The following MYO18A variants were observed in gnomAD, a reference collection of about 807,000 sequenced individuals.
MYO18A encodes the protein unconventional myosin-XVIIIa.
MYO18A carries 78 observed loss-of-function variants against 235.8 expected under a neutral mutation model. The ratio of observed to expected loss-of-function variants is 0.33; its 90% CI spans 0.28 to 0.40. The LOEUF is 0.40. MYO18A is among the 10% of genes least tolerant of loss of function. The pLI, the probability that MYO18A is intolerant of heterozygous loss-of-function variation, is 1.00. For synonymous variants in MYO18A, 977 were observed against 1,077.8 expected (o/e 0.91, Z 1.83); for missense variants, 2,215 against 2,699.3 (o/e 0.82, Z 3.98).
Position 29,118,879 on chromosome 17 carries a change from G to A in MYO18A, c.1830-439C>T, listed in dbSNP as rs2067135098. 6.6e-6 allele frequency among the ~76,000 whole-genome samples: 1 copy of A among 152,120 alleles called. No individual in the cohort carries two copies. Among genetic ancestry groups the A allele is most frequent in the South Asian group, 2.1e-4 (1 of 4,828 alleles). On this transcript the variant is annotated intron_variant, in intron 8 of 41. Transcript: ENST00000527372. The surrounding 1 kb of genome is among the most constrained non-coding windows in gnomAD (Gnocchi z 4.2). Reference sequence around the variant, plus strand: ...AGAGCGTGGCAGAGGCAGCCAACGTGGGGCAGGAAGGGCTAGTCTGGAGGG... The same window carrying A: ...AGAGCGTGGCAGAGGCAGCCAACGTAGGGCAGGAAGGGCTAGTCTGGAGGG...
Position 29,166,287 on chromosome 17 carries a change from G to A in MYO18A, c.654C>T (p.Leu218=). 5.0e-6 allele frequency: 8 copies of A among 1,612,830 alleles called. No individual in the cohort carries two copies. The highest frequency in any genetic ancestry group is 6.8e-6 in the Non-Finnish European group (8 of 1,179,878). Residue 218 remains leucine (L), a synonymous_variant, in exon 2 of 42, where the codon CTC becomes CTT. Coordinates refer to ENST00000527372, the MANE Select transcript of MYO18A (RefSeq NM_078471.4). Reference sequence around the variant, plus strand: ...GCCGTCGTTGCAGCTCCAGCTCCCGGAGGGTAGGTGGGGGCAGGGGCACCA... The same window carrying A: ...GCCGTCGTTGCAGCTCCAGCTCCCGAAGGGTAGGTGGGGGCAGGGGCACCA... ...PPVVPLPPPT[L]RELELQRRPT...
chr17:29,097,452 G>T, intron 26 of MYO18A, 102 bp from the exon 27 acceptor site: 1 of 1,485,870 alleles, frequency 6.7e-7, no homozygotes, highest in Non-Finnish European at 9.1e-7. Flanking sequence ...GGTGGAGTCA[G>T]CCAGGGCTCA....
Position 29,129,481 on chromosome 17 carries a change from C to G in MYO18A, c.1000-7228G>C, listed in dbSNP as rs570899002. Among the ~76,000 whole-genome samples the G allele has an allele frequency of 2.7e-4, 41 of 152,338 alleles. 1 individual carries two copies. The East Asian group carries it at 5.6e-3, about 21-fold the overall frequency. On this transcript the variant is annotated intron_variant, in intron 2 of 41. Coordinates refer to ENST00000527372, the MANE Select transcript of MYO18A (RefSeq NM_078471.4). ...GTCCCAAGGGACTGCCACTGGAAGGCCAGGCTGGCTAACGGCAGGATAGAG... is the reference window on the plus strand; with the variant it reads ...GTCCCAAGGGACTGCCACTGGAAGGGCAGGCTGGCTAACGGCAGGATAGAG...
At chr17:29,135,136 T>G (rs2067566425) in intron 2 of MYO18A, among the ~76,000 whole-genome samples, 1 of 152,000 alleles carries the variant, frequency 6.6e-6, no homozygotes, top group Admixed American at 6.5e-5. Flanking sequence ...CATCTCACTC[T>G]ATCACCCAGG....
chr17:29,153,875 AC>A (rs2068007074), intron 2 of MYO18A, among the ~76,000 whole-genome samples: 2 of 152,184 alleles, frequency 1.3e-5, no homozygotes, highest in Admixed American at 6.5e-5. Flanking sequence ...CTTTCAGAGC[AC>A]AGAAGAGAGA....
At chr17:29,170,899 C>T (rs549471099) in intron 1 of MYO18A, among the ~76,000 whole-genome samples, 2 of 152,138 alleles carry the variant, frequency 1.3e-5, no homozygotes, top group Non-Finnish European at 2.9e-5. Context: ...AAAGAAACAA[C>T]TAAAGATACA....
chr17:29,117,904 G>T lies in MYO18A; in HGVS notation c.2038+141C>A. The T allele has an allele frequency of 4.9e-6, 5 of 1,010,530 alleles. No homozygotes were observed. The allele number at this position is 1,010,530 out of a possible 1,614,324, so 62.6% of individuals were successfully genotyped here. A position where few individuals can be genotyped will look rare whatever the true frequency, so the allele number is the denominator to read the frequency against. ...CCGGGCCTTCTGCTCTGAAGTGGGGGGCTGAGAAGAGGCACAAGCAAAAGA... is the reference window on the plus strand; with the variant it reads ...CCGGGCCTTCTGCTCTGAAGTGGGGTGCTGAGAAGAGGCACAAGCAAAAGA... On this transcript the variant is annotated intron_variant, in intron 10 of 41. Coordinates refer to ENST00000527372, the MANE Select transcript of MYO18A (RefSeq NM_078471.4). The surrounding 1 kb of genome is among the most constrained non-coding windows in gnomAD (Gnocchi z 4.6).
rs1020478282 is a variant in MYO18A, at chr17:29,080,938, T to C, written c.6020+1378A>G. The stretch of plus-strand genomic sequence containing the variant: ...GTCCTTTAGGGTGAGCCGCTTCCGA[T>C]AGCTCAGGGAGCTCACCACCGAGGA... On this transcript the variant is annotated intron_variant, in intron 41 of 41. Transcript: ENST00000527372. 4 of 985,282 alleles carry C rather than the reference T, an allele frequency of 4.1e-6. No individual in the cohort carries two copies. In the African/African-American group the frequency reaches 5.2e-5, roughly 13 times the overall value. The allele number at this position is 985,282 out of a possible 1,614,324, so 61.0% of individuals were successfully genotyped here.
intron 33 of MYO18A, 52 bp downstream of exon 33, chr17:29,092,802 TG>T: frequency 6.3e-7 from 1 of 1,594,054 alleles, no homozygotes. Context: ...AGAAAGAGAA[TG>T]GAAAGGTAAG....
chr17:29,132,456 C>T (rs1419679709), intron 2 of MYO18A, among the ~76,000 whole-genome samples: 2 of 152,226 alleles, frequency 1.3e-5, no homozygotes, highest in Admixed American at 6.5e-5. Context: ...AAAGACAGCC[C>T]TGTTACCAAC....
At chr17:29,082,472 C>G in intron 40 of MYO18A, 34 bp from the exon 41 acceptor site, 1 of 1,603,678 alleles carries the variant, frequency 6.2e-7, no homozygotes, top group Non-Finnish European at 8.5e-7. Context: ...GTAGACAAGG[C>G]ATAGGCACCT....
Position 29,092,344 on chromosome 17 carries a change from G to A in MYO18A, c.5186C>T (p.Ala1729Val), listed in dbSNP as rs900570615. The A allele has an allele frequency of 3.7e-6, 6 of 1,608,014 alleles. No individual in the cohort carries two copies. The highest frequency in any genetic ancestry group is 3.3e-5 in the Admixed American group (2 of 59,900). The change falls in exon 34 of 42, where the codon GCG becomes GTG. Residue 1729 changes from alanine to valine, a missense_variant and splice_region_variant. Physicochemically the swap from Ala to Val is moderately conservative, Grantham distance 64. Coordinates refer to ENST00000527372, the MANE Select transcript of MYO18A (RefSeq NM_078471.4). ...QIDDIAKAKT[A>V]LEEQLSRLQR... is the part of the protein sequence containing the mutation. ...GCCCCGGGCACCTTGGCCCCTCACCGCTGTCTTGGCTTTGGCGATGTCATC... is the reference window on the plus strand; with the variant it reads ...GCCCCGGGCACCTTGGCCCCTCACCACTGTCTTGGCTTTGGCGATGTCATC...
At chr17:29,137,524 T>A (rs1386536884) in intron 2 of MYO18A, among the ~76,000 whole-genome samples, 4 of 152,142 alleles carry the variant, frequency 2.6e-5, no homozygotes, top group Non-Finnish European at 5.9e-5. Context: ...AGCCACAAAA[T>A]GCATCATCCT....
rs1167874438 is a variant in MYO18A, at chr17:29,074,903, T to A, written c.6032A>T (p.Tyr2011Phe). 6.2e-7 allele frequency: 1 copy of A among 1,613,868 alleles called. No homozygotes were observed. The highest frequency in any genetic ancestry group is 2.2e-5 in the East Asian group (1 of 44,870). The change falls in exon 42 of 42, where the codon TAC becomes TTC. Residue 2011 changes from tyrosine (Y) to phenylalanine (F), a missense_variant. By Grantham distance (22) the Tyr-to-Phe change is conservative. Coordinates refer to ENST00000527372, the MANE Select transcript of MYO18A (RefSeq NM_078471.4). The surrounding 1 kb of genome is among the most constrained non-coding windows in gnomAD (Gnocchi z 4.4). ...GSLKSSSPTS[Y>F]WKSLAPDRSD... ...CCGATCAGGGGCAAGGGACTTCCAG[T>A]AGCTGGTGGGGCTGCAGGGACCGAG...
chr17:29,170,723 CA>C (rs759793907), intron 1 of MYO18A, among the ~76,000 whole-genome samples: 193 of 152,274 alleles, frequency 1.3e-3, no homozygotes, highest in Non-Finnish European at 2.1e-3. Flanking sequence ...TTACTATCCC[CA>C]AAAACAAAAA....
rs913250612 is a variant in MYO18A at position 29,090,047 on chromosome 17, T to C, written c.5440A>G (p.Lys1814Glu). 43 of 1,613,780 alleles carry C rather than the reference T, an allele frequency of 2.7e-5. No homozygotes were observed. Among genetic ancestry groups the C allele is most frequent in the Non-Finnish European group, 3.6e-5 (42 of 1,179,838 alleles). Residue 1814 changes from lysine (K) to glutamate (E), a missense_variant, in exon 37 of 42, where the codon AAG becomes GAG. Transcript: ENST00000527372. The part of the protein sequence containing the change: ...VEFLEQSMVD[K>E]SLVSRQEAKI... ...GCTTCCTGCCTGCTCACCAGGGACT[T>C]GTCCACCATGGACTGCTCCAGGAAC...
At chr17:29,081,375 T>G (rs1393089260) in intron 41 of MYO18A, among the ~76,000 whole-genome samples, 1 of 152,202 alleles carries the variant, frequency 6.6e-6, no homozygotes, top group Non-Finnish European at 1.5e-5. Flanking sequence ...AAGCCGGCAT[T>G]ATCTGCAATA....
chr17:29,086,213 G>C (rs8074910), intron 39 of MYO18A, among the ~76,000 whole-genome samples: 63,855 of 152,038 alleles, frequency 0.42, 14,711 homozygotes, highest in East Asian at 0.84. Context: ...GGGCCTGGTC[G>C]TGGAGAGGGG....
In MYO18A at chr17:29,082,222, GAC is replaced by G. The variant is rs2066138691; in HGVS notation, c.6020+92_6020+93del. The stretch of plus-strand genomic sequence containing the variant: ...CCGCAGTCACAAATGCCAGACAAGA[GAC>G]ACAGGCCTGCCCTCATGGGATCCAG... On this transcript the variant is annotated intron_variant, in intron 41 of 41. Coordinates refer to ENST00000527372, the MANE Select transcript of MYO18A (RefSeq NM_078471.4). 11 of 1,524,478 alleles carry G rather than the reference GAC, an allele frequency of 7.2e-6. No homozygotes were observed. In the Admixed American group the frequency reaches 1.6e-4, roughly 22 times the overall value. 94.4% of individuals were successfully genotyped at this position (1,524,478 alleles called of 1,614,324 possible).
Sources: gnomAD v4.1 joint callset for allele counts (sites outside exome capture counted in the v4.1 genomes callset) on GRCh38, gnomAD v4.1.1 for gene constraint, Gnocchi (gnomAD v3.1) non-coding constraint, MANE v1.5 for transcripts, NCBI Gene and HGNC (gene_info 2026-07-23, HGNC 2026-07-21) for gene names.